DCUN1D1: variants seen among roughly 807,000 people sequenced by gnomAD.
The protein encoded by DCUN1D1 is DCN1-like protein 1.
A neutral mutation model predicts 39.0 loss-of-function variants in DCUN1D1; 3 were observed. The ratio of observed to expected loss-of-function variants is 0.08; its 90% CI spans 0.04 to 0.20. DCUN1D1 has a LOEUF of 0.20. Ranked by LOEUF, DCUN1D1 falls within the 10% of genes least tolerant of loss-of-function variation. The pLI is 1.00. For missense variants in DCUN1D1, 158 were observed against 302.4 expected (o/e 0.52, Z 3.54); for synonymous variants, 82 against 96.3 (o/e 0.85, Z 0.87).
At chr3:182,960,853 A>T (rs1352862611) in intron 4 of DCUN1D1, among the ~76,000 whole-genome samples, 3 of 152,220 alleles carry the variant, frequency 2.0e-5, no homozygotes, top group Admixed American at 6.5e-5. Flanking sequence ...GCATTCTATG[A>T]CTCAGAAATC....
At chr3:182,985,705 A>G (rs1204073473) in intron 1 of DCUN1D1, 3 of 152,248 alleles carry the variant, frequency 2.0e-5, no homozygotes, top group Non-Finnish European at 4.4e-5. Context: ...ACGAAGGGGT[A>G]CACCTCAGGA....
At chr3:182,946,500 T>C (rs556570496) in intron 6 of DCUN1D1, among the ~76,000 whole-genome samples, 1 of 135,568 alleles carries the variant, frequency 7.4e-6, no homozygotes, top group Non-Finnish European at 1.5e-5. Flanking sequence ...CAGGTTGCAG[T>C]GAGCTGAGAC....
At chr3:182,945,254 T>C in intron 6 of DCUN1D1, 81 bp from the exon 7 acceptor site, 1 of 1,059,684 alleles carries the variant, frequency 9.4e-7, no homozygotes, top group Non-Finnish European at 1.4e-6. Flanking sequence ...GAATCCTTTT[T>C]TTAAGACTTC....
chr3:182,956,169 C>G (rs1415762628), intron 4 of DCUN1D1: 1 of 220,968 alleles, frequency 4.5e-6, no homozygotes, highest in Non-Finnish European at 9.6e-6. Flanking sequence ...CACAAGTGAT[C>G]CACCCACCTC....
At chr3:182,958,981 T>C (rs1011683186) in intron 4 of DCUN1D1, among the ~76,000 whole-genome samples, 3 of 152,220 alleles carry the variant, frequency 2.0e-5, no homozygotes, top group African/African-American at 7.2e-5. Flanking sequence ...ATTCACATTA[T>C]ATTTAATCTT....
intron 1 of DCUN1D1, chr3:182,980,007 A>G (rs1029811997): frequency 9.0e-6 from 2 of 222,210 alleles, no homozygotes; most frequent in Non-Finnish European, 1.5e-5. Context: ...CGCGCCGGGA[A>G]AGTCTTTCCT....
chr3:182,965,413 T>C (rs1041987759), intron 2 of DCUN1D1, 124 bp downstream of exon 2: 6 of 537,938 alleles, frequency 1.1e-5, no homozygotes, highest in African/African-American at 9.5e-5. Context: ...AACTCTAAGA[T>C]CTACAGACCT....
intron 1 of DCUN1D1, chr3:182,980,088 A>ACCCCAGT: frequency 2.2e-6 from 2 of 920,770 alleles, no homozygotes; most frequent in East Asian, 1.2e-4. Flanking sequence ...GGAACCCCAG[A>ACCCCAGT]CCCCAGTCCC....
intron 1 of DCUN1D1, among the ~76,000 whole-genome samples, chr3:182,979,525 C>T (rs1728407569): frequency 1.3e-5 from 2 of 152,102 alleles, no homozygotes; most frequent in Admixed American, 6.5e-5. Context: ...CGAAGAGCGT[C>T]CAGCAGAGTC....
rs1726134445 is a variant in DCUN1D1, at chr3:182,941,547, T to C, written c.*3547A>G. 1 of 152,138 alleles carries C rather than the reference T, an allele frequency of 6.6e-6. No individual in the cohort carries two copies. The highest frequency in any genetic ancestry group is 6.6e-5 in the Admixed American group (1 of 15,260). The allele number at this position is 152,138 out of a possible 1,614,324, so 9.4% of individuals were successfully genotyped here. ...AGGTTTTGTGTCCCCATTTATATGT[T>C]AAATAGTTCACATTTAAAAAAACAT... On this transcript the variant is annotated 3_prime_UTR_variant, in exon 7 of 7. Coordinates refer to ENST00000292782, the MANE Select transcript of DCUN1D1 (RefSeq NM_020640.4).
chr3:182,966,558 C>T (rs1711692246), intron 1 of DCUN1D1, among the ~76,000 whole-genome samples: 1 of 152,090 alleles, frequency 6.6e-6, no homozygotes, highest in South Asian at 2.1e-4. Flanking sequence ...TCACTTGCTG[C>T]ACATTGTCAA....
intron 4 of DCUN1D1, among the ~76,000 whole-genome samples, chr3:182,949,044 G>A (rs1252516793): frequency 4.2e-5 from 6 of 143,032 alleles, no homozygotes; most frequent in African/African-American, 1.6e-4. Context: ...GCAAAACTCC[G>A]TCTCAAAAAA....
Position 182,980,472 on chromosome 3 carries a change from G to A in DCUN1D1, c.3+15C>T. On this transcript the variant is annotated intron_variant, in intron 1 of 6. Coordinates refer to ENST00000292782, the MANE Select transcript of DCUN1D1 (RefSeq NM_020640.4). Reference sequence around the variant, plus strand: ...CCCCAGCCGGCAGGGCGGGCGGGCGGCCGCAGTGCCTCACCATGTTGGTGT... The same window carrying A: ...CCCCAGCCGGCAGGGCGGGCGGGCGACCGCAGTGCCTCACCATGTTGGTGT... 1 of 1,186,098 alleles carries A rather than the reference G, an allele frequency of 8.4e-7. No individual in the cohort carries two copies. Among genetic ancestry groups the A allele is most frequent in the Admixed American group, 3.1e-5 (1 of 31,982 alleles). 73.5% of individuals were successfully genotyped at this position (1,186,098 alleles called of 1,614,324 possible).
At chr3:182,954,506 T>G (rs931405102) in intron 4 of DCUN1D1, among the ~76,000 whole-genome samples, 1 of 152,212 alleles carries the variant, frequency 6.6e-6, no homozygotes, top group African/African-American at 2.4e-5. Context: ...GATCTTCTGA[T>G]GCCGGCAGTT....
At chr3:182,957,524 G>A (rs1393770376) in intron 4 of DCUN1D1, among the ~76,000 whole-genome samples, 2 of 152,082 alleles carry the variant, frequency 1.3e-5, no homozygotes, top group Non-Finnish European at 2.9e-5. Flanking sequence ...TACTCCGGAG[G>A]CAGAGGCAGG....
At chr3:182,983,454 G>A (rs560281349), upstream of DCUN1D1, among the ~76,000 whole-genome samples, 144 of 152,296 alleles carry the variant, frequency 9.5e-4, no homozygotes, top group African/African-American at 3.1e-3. Flanking sequence ...AGTGGCTCAC[G>A]CCTGTAATCC....
intron 1 of DCUN1D1, among the ~76,000 whole-genome samples, chr3:182,971,401 T>C (rs1309291548): frequency 1.3e-5 from 2 of 151,774 alleles, no homozygotes; most frequent in African/African-American, 2.4e-5. Flanking sequence ...CTCATCTGTA[T>C]TAAAATTAGC....
At chr3:182,983,844 A>C (rs1728641857), upstream of DCUN1D1, among the ~76,000 whole-genome samples, 2 of 152,326 alleles carry the variant, frequency 1.3e-5, no homozygotes, top group Admixed American at 6.5e-5. Context: ...TACTCAACTC[A>C]AAGACCATCT....
chr3:182,959,160 G>A (rs773207088), intron 4 of DCUN1D1, among the ~76,000 whole-genome samples: 3 of 152,010 alleles, frequency 2.0e-5, no homozygotes, highest in East Asian at 1.9e-4. Context: ...TAGGTATCCC[G>A]GCTTATTCTG....
Sources: gnomAD v4.1 joint callset for allele counts (sites outside exome capture counted in the v4.1 genomes callset) on GRCh38, gnomAD v4.1.1 for gene constraint, MANE v1.5 for transcripts, NCBI Gene and HGNC (gene_info 2026-07-23, HGNC 2026-07-21) for gene names.